TSHZ3: variants seen among roughly 807,000 people sequenced by gnomAD.
TSHZ3 encodes teashirt homolog 3.
TSHZ3 carries 10 observed loss-of-function variants against 64.5 expected under a neutral mutation model. The ratio of observed to expected loss-of-function variants is 0.16; its 90% confidence interval spans 0.10 to 0.26. The LOEUF is 0.26. Ranked by LOEUF, TSHZ3 falls within the 10% of genes least tolerant of loss-of-function variation. The pLI is 1.00. For synonymous variants in TSHZ3, 608 were observed against 593.1 expected, an observed-to-expected ratio of 1.03 and a Z score of -0.36; for missense variants, 1,242 against 1,421.7, an observed-to-expected ratio of 0.87 and a Z score of 2.03.
In TSHZ3 at chr19:31,292,906, C is replaced by CCATCCATCCAACCAAAA. The variant is rs1976594920; in HGVS notation, c.41-13155_41-13154insTTTTGGTTGGATGGATG. Reference sequence around the variant, plus strand: ...CCATTCAAAAACTCATCCATCCATCCACCCATCCATCCAACCAAAAACCCA... The same window carrying CCATCCATCCAACCAAAA: ...CCATTCAAAAACTCATCCATCCATCCCATCCATCCAACCAAAAACCCATCCATCCAACCAAAAACCCA... On this transcript the variant is annotated intron_variant, in intron 1 of 1. Transcript: ENST00000240587. 4.5e-5 allele frequency among the ~76,000 whole-genome samples: 6 copies of CCATCCATCCAACCAAAA among 134,456 alleles called. No individual in the cohort carries two copies. The South Asian group carries it at 1.7e-3, about 38-fold the overall frequency. 88.2% of individuals were successfully genotyped at this position (134,456 alleles called of 152,430 possible).
chr19:31,178,519 A>G (rs1287473786), intron 5 of TSHZ3, among the ~76,000 whole-genome samples: 1 of 152,178 alleles, frequency 6.6e-6, no homozygotes, highest in Non-Finnish European at 1.5e-5. Context: ...ATCTCTACTA[A>G]AAATACAAAA....
At chr19:31,331,459 T>C (rs1251088042) in intron 1 of TSHZ3, among the ~76,000 whole-genome samples, 1 of 152,144 alleles carries the variant, frequency 6.6e-6, no homozygotes, top group Non-Finnish European at 1.5e-5. Flanking sequence ...TCTGCACTCA[T>C]ACAACCACCA....
At chr19:31,302,848 A>G (rs923910938) in intron 1 of TSHZ3, among the ~76,000 whole-genome samples, 24 of 152,336 alleles carry the variant, frequency 1.6e-4, no homozygotes, top group Admixed American at 5.2e-4. Context: ...GTCTAGCTCA[A>G]TAAGGCCAAA....
At position 31,277,969 on chromosome 19, in the gene TSHZ3, A is replaced by G; in HGVS notation, c.1824T>C (p.His608=). ...CCTTTTTCACCAGCTCCTCCATGGC[A>G]TGAAAGTTTGTCTTGGGCATGGGGG... ...QTSPMPKTNF[H]AMEELVKKVT... The change falls in exon 2 of 2, where the codon CAT becomes CAC. Residue 608 remains histidine, a synonymous_variant. Coordinates refer to ENST00000240587, the MANE Select transcript of TSHZ3 (RefSeq NM_020856.4). This position sits in a 1 kb window ranked among gnomAD's most constrained non-coding sequence, Gnocchi z 4.5. 3.7e-6 allele frequency: 6 copies of G among 1,614,218 alleles called. No homozygotes were observed. The highest frequency in any genetic ancestry group is 1.1e-5 in the South Asian group (1 of 91,078).
chr19:31,273,866 T>C (rs938815143), downstream of TSHZ3, among the ~76,000 whole-genome samples: 4 of 152,202 alleles, frequency 2.6e-5, no homozygotes, highest in Non-Finnish European at 5.9e-5. Flanking sequence ...ACCTGCTTTC[T>C]TCCCTGCCTG....
intron 1 of TSHZ3, among the ~76,000 whole-genome samples, chr19:31,248,619 C>CAAAA (rs35503682): frequency 7.4e-4 from 106 of 142,692 alleles, no homozygotes; most frequent in African/African-American, 1.1e-3. Flanking sequence ...TTATTTCTAC[C>CAAAA]AAAAAAAAAA....
Position 31,213,343 on chromosome 19 carries a change from C to T in TSHZ3, n.687-8265G>A, listed in dbSNP as rs113397639. Among the ~76,000 whole-genome samples, 772 of 97,786 alleles carry T rather than the reference C, an allele frequency of 7.9e-3. 7 individuals are homozygous for T. The highest frequency in any genetic ancestry group is 0.032 in the African/African-American group (743 of 23,326). The allele number at this position is 97,786 out of a possible 152,430, so 64.2% of individuals were successfully genotyped here. Reference sequence around the variant, plus strand: ...CTGCACTCCAGCCTGAGCAACAGAGCGAGACTCTGTCTCAAAAAAAAAAAA... The same window carrying T: ...CTGCACTCCAGCCTGAGCAACAGAGTGAGACTCTGTCTCAAAAAAAAAAAA... On this transcript the variant is annotated intron_variant and non_coding_transcript_variant, in intron 4 of 6. Transcript: ENST00000651361.
chr19:31,155,571 T>C (rs1019470867), intron 6 of TSHZ3, among the ~76,000 whole-genome samples: 2 of 152,236 alleles, frequency 1.3e-5, no homozygotes, highest in African/African-American at 4.8e-5. Context: ...TCAGGCAGGC[T>C]TCTAGGGCCT....
At chr19:31,266,835 C>A (rs1475818074) in intron 1 of TSHZ3, among the ~76,000 whole-genome samples, 1 of 152,192 alleles carries the variant, frequency 6.6e-6, no homozygotes, top group African/African-American at 2.4e-5. Context: ...AAAGCAGGGC[C>A]AGAGGGACAT....
intron 5 of TSHZ3, among the ~76,000 whole-genome samples, chr19:31,167,250 A>T (rs1306557045): frequency 6.6e-6 from 1 of 152,238 alleles, no homozygotes; most frequent in African/African-American, 2.4e-5. Context: ...ACAATTCATT[A>T]TCAAATTTAC....
intron 1 of TSHZ3, among the ~76,000 whole-genome samples, chr19:31,281,071 T>A (rs1976353037): frequency 6.6e-6 from 1 of 152,104 alleles, no homozygotes; most frequent in African/African-American, 2.4e-5. Flanking sequence ...AAAAGGCCAG[T>A]GGGGAAGTGT....
At chr19:31,180,643 A>G (rs567429535) in intron 5 of TSHZ3, among the ~76,000 whole-genome samples, 2 of 152,208 alleles carry the variant, frequency 1.3e-5, no homozygotes, top group Non-Finnish European at 2.9e-5. Context: ...TCTTCCTGTT[A>G]ATGTTAATTT....
intron 5 of TSHZ3, among the ~76,000 whole-genome samples, chr19:31,199,889 C>A (rs1975052748): frequency 6.7e-6 from 1 of 148,658 alleles, no homozygotes; most frequent in Non-Finnish European, 1.5e-5. Context: ...AATGATCCAG[C>A]TGAAAAAAAT....
At chr19:31,220,472 A>T (rs1282141570) in intron 4 of TSHZ3, among the ~76,000 whole-genome samples, 1 of 152,206 alleles carries the variant, frequency 6.6e-6, no homozygotes, top group Admixed American at 6.5e-5. Flanking sequence ...TTTGGGTCTC[A>T]TCTAACTTCA....
intron 5 of TSHZ3, among the ~76,000 whole-genome samples, chr19:31,159,700 T>C (rs1439820837): frequency 8.5e-5 from 13 of 152,110 alleles, no homozygotes; most frequent in Admixed American, 6.5e-4. Context: ...TTATTTTTTT[T>C]CTTTTTTTTT....
intron 4 of TSHZ3, among the ~76,000 whole-genome samples, chr19:31,226,645 C>T (rs2145172135): frequency 6.6e-6 from 1 of 152,252 alleles, no homozygotes; most frequent in Non-Finnish European, 1.5e-5. Context: ...ATCCTATATT[C>T]CATTCTTGCC....
intron 5 of TSHZ3, among the ~76,000 whole-genome samples, chr19:31,182,530 T>G (rs1405669626): frequency 6.6e-6 from 1 of 152,130 alleles, no homozygotes; most frequent in Non-Finnish European, 1.5e-5. Flanking sequence ...GGACCGACCC[T>G]AAACTCCCAA....
intron 4 of TSHZ3, among the ~76,000 whole-genome samples, chr19:31,208,116 A>T (rs1472223354): frequency 6.6e-6 from 1 of 152,260 alleles, no homozygotes; most frequent in African/African-American, 2.4e-5. Context: ...TAAATGAATG[A>T]ATGTTCCTCC....
At chr19:31,284,215 T>C (rs1976414907) in intron 1 of TSHZ3, among the ~76,000 whole-genome samples, 1 of 151,334 alleles carries the variant, frequency 6.6e-6, no homozygotes, top group Non-Finnish European at 1.5e-5. Flanking sequence ...GAGTGGGGGG[T>C]CATGTCCAGG....
Sources: allele counts gnomAD v4.1 joint callset (sites outside exome capture counted in the v4.1 genomes callset), GRCh38; gene constraint gnomAD v4.1.1; non-coding constraint Gnocchi (gnomAD v3.1); transcripts MANE v1.5; gene names NCBI Gene and HGNC (gene_info 2026-07-23, HGNC 2026-07-21).